LDLRAD4: variants seen among roughly 807,000 people sequenced by gnomAD.
The protein encoded by LDLRAD4 is low-density lipoprotein receptor class A domain-containing protein 4.
Under a neutral mutation model 17.0 loss-of-function variants are expected in LDLRAD4, and 5 were observed. The observed-to-expected ratio is 0.29, with a 90% confidence interval of 0.15 to 0.62. The LOEUF (loss-of-function observed/expected upper bound fraction) is 0.62, where lower values mean the gene tolerates loss of function less well. Among genes scored for constraint, LDLRAD4 ranks in the 20% least tolerant of loss-of-function variants. LDLRAD4 has a pLI of 0.84. For missense variants in LDLRAD4, 340 were observed against 424.7 expected (o/e 0.80, Z 1.75); for synonymous variants, 168 against 171.8 (o/e 0.98, Z 0.17).
intron 3 of LDLRAD4, among the ~76,000 whole-genome samples, chr18:13,560,471 T>G (rs2148200048): frequency 6.6e-6 from 1 of 152,304 alleles, no homozygotes; most frequent in South Asian, 2.1e-4. Flanking sequence ...TCTGTGCCAG[T>G]GGGGATGACG....
At chr18:13,226,661 G>A (rs890257547) in intron 1 of LDLRAD4, among the ~76,000 whole-genome samples, 1 of 151,200 alleles carries the variant, frequency 6.6e-6, no homozygotes, top group Non-Finnish European at 1.5e-5. Context: ...CATAATGTCA[G>A]TGGATGATCT....
At chr18:13,235,632 T>C (rs2042297045) in intron 1 of LDLRAD4, among the ~76,000 whole-genome samples, 1 of 152,204 alleles carries the variant, frequency 6.6e-6, no homozygotes, top group Admixed American at 6.5e-5. Context: ...TCCTAGCAAA[T>C]TCATTCCTAT....
chr18:13,597,811 AG>A (rs1310191925), intron 3 of LDLRAD4, among the ~76,000 whole-genome samples: 1 of 151,756 alleles, frequency 6.6e-6, no homozygotes, highest in African/African-American at 2.4e-5. Flanking sequence ...GTTAAGCTCT[AG>A]TGAATTTTTT....
At chr18:13,547,181 G>A in intron 3 of LDLRAD4, among the ~76,000 whole-genome samples, 1 of 152,182 alleles carries the variant, frequency 6.6e-6, no homozygotes, top group South Asian at 2.1e-4. Context: ...GAGGTAGGAA[G>A]GAAGAAAATG....
intron 3 of LDLRAD4, among the ~76,000 whole-genome samples, chr18:13,592,175 A>G (rs1194144252): frequency 2.0e-5 from 3 of 152,240 alleles, no homozygotes; most frequent in Non-Finnish European, 4.4e-5. Flanking sequence ...GGAAGGAATG[A>G]TATATTTGAA....
chr18:13,623,178 G>A (rs1311743069), intron 4 of LDLRAD4, among the ~76,000 whole-genome samples: 1 of 152,250 alleles, frequency 6.6e-6, no homozygotes, highest in African/African-American at 2.4e-5. Flanking sequence ...TGTGGCGGCA[G>A]ATTTGTGTGA....
At chr18:13,442,077 C>T (rs1273248830) in intron 3 of LDLRAD4, among the ~76,000 whole-genome samples, 1 of 152,156 alleles carries the variant, frequency 6.6e-6, no homozygotes, top group African/African-American at 2.4e-5. Context: ...GAGCACTAAA[C>T]ATACAAATTA....
chr18:13,397,892 C>T (rs775376090), intron 2 of LDLRAD4, among the ~76,000 whole-genome samples: 5 of 152,214 alleles, frequency 3.3e-5, no homozygotes, highest in Admixed American at 6.5e-5. Flanking sequence ...TTGATCTCAG[C>T]GCACGCTGTT....
intron 1 of LDLRAD4, among the ~76,000 whole-genome samples, chr18:13,328,629 C>T (rs2143650652): frequency 6.6e-6 from 1 of 152,320 alleles, no homozygotes; most frequent in East Asian, 1.9e-4. Flanking sequence ...TGAGCGTCAA[C>T]TTTGTATAAG....
intron 2 of LDLRAD4, among the ~76,000 whole-genome samples, chr18:13,393,013 C>T (rs760923802): frequency 4.9e-4 from 74 of 152,314 alleles, no homozygotes; most frequent in Non-Finnish European, 9.4e-4. Flanking sequence ...GCTGTTTCCC[C>T]TGTGGGCTCC....
chr18:13,513,825 T>TTTAA (rs2093820426), intron 3 of LDLRAD4, among the ~76,000 whole-genome samples: 1 of 152,224 alleles, frequency 6.6e-6, no homozygotes, highest in Non-Finnish European at 1.5e-5. Flanking sequence ...GCTTGAAACA[T>TTTAA]TTAAAAGTAT....
chr18:13,418,198 C>T (rs1268895909), intron 2 of LDLRAD4, among the ~76,000 whole-genome samples: 3 of 151,846 alleles, frequency 2.0e-5, no homozygotes, highest in African/African-American at 4.8e-5. Context: ...CAACTCCCAA[C>T]TCAACCCTGG....
intron 3 of LDLRAD4, among the ~76,000 whole-genome samples, chr18:13,449,787 G>A (rs977737333): frequency 2.0e-5 from 3 of 152,354 alleles, no homozygotes; most frequent in African/African-American, 7.2e-5. Flanking sequence ...GATCTTGGGG[G>A]AAGGTCAGCT....
intron 1 of LDLRAD4, among the ~76,000 whole-genome samples, chr18:13,319,143 A>G (rs955190014): frequency 6.6e-6 from 1 of 152,188 alleles, no homozygotes; most frequent in South Asian, 2.1e-4. Flanking sequence ...TAAATACTTC[A>G]TAGTATTGAT....
chr18:13,396,554 G>C (rs1382292205), intron 2 of LDLRAD4, among the ~76,000 whole-genome samples: 1 of 152,258 alleles, frequency 6.6e-6, no homozygotes, highest in Non-Finnish European at 1.5e-5. Context: ...CGCCATCGTA[G>C]CTCACTGCAG....
chr18:13,552,684 C>T (rs771542946), intron 3 of LDLRAD4, among the ~76,000 whole-genome samples: 15 of 152,270 alleles, frequency 9.9e-5, no homozygotes, highest in East Asian at 1.9e-4. Context: ...CTCTTTCTTC[C>T]GTGTTGTATC....
intron 3 of LDLRAD4, among the ~76,000 whole-genome samples, chr18:13,477,345 G>A (rs1245240371): frequency 1.3e-5 from 2 of 152,284 alleles, no homozygotes; most frequent in Admixed American, 6.5e-5. Context: ...ACGCTCACCC[G>A]AGAAAGCATC....
In LDLRAD4 at chr18:13,226,359, A is replaced by G. The variant is rs117015466; in HGVS notation, c.-467+7371A>G. Among the ~76,000 whole-genome samples, 1,194 of 151,774 alleles carry G rather than the reference A, an allele frequency of 7.9e-3. 18 individuals carry two copies. The highest frequency in any genetic ancestry group is 9.9e-3 in the Non-Finnish European group (675 of 67,946). ...AAACATTGTTTGGGTAGATTCTTAAAAGGGAAATTGGGGGCTATAAGACTT... is the reference window on the plus strand; with the variant it reads ...AAACATTGTTTGGGTAGATTCTTAAGAGGGAAATTGGGGGCTATAAGACTT... On this transcript the variant is annotated intron_variant, in intron 1 of 5. Transcript: ENST00000399848.
chr18:13,222,554 C>T (rs1255683027), intron 1 of LDLRAD4, among the ~76,000 whole-genome samples: 7 of 152,220 alleles, frequency 4.6e-5, no homozygotes, highest in South Asian at 2.1e-4. Context: ...GCACTGCAAA[C>T]GCACTCTGCA....
Sources: gnomAD v4.1 joint callset for allele counts (sites outside exome capture counted in the v4.1 genomes callset) on GRCh38, gnomAD v4.1.1 for gene constraint, MANE v1.5 for transcripts, NCBI Gene and HGNC (gene_info 2026-07-23, HGNC 2026-07-21) for gene names.